Variants in CCDC146 observed in about 807,000 individuals in gnomAD.
CCDC146 encodes the protein coiled-coil domain-containing protein 146.
Under a neutral mutation model 119.3 loss-of-function variants are expected in CCDC146, and 92 were observed. The observed-to-expected ratio is 0.77, with a 90% CI of 0.65 to 0.92. The LOEUF (loss-of-function observed/expected upper bound fraction) is 0.92, where lower values mean the gene tolerates loss of function less well. CCDC146 is among the 40% of genes least tolerant of loss of function. The pLI is 0.00. For synonymous variants in CCDC146, 372 were observed against 371.8 expected (o/e 1.00, Z -0.01); for missense variants, 1,000 against 1,103.0 (o/e 0.91, Z 1.32).
intron 1 of CCDC146, among the ~76,000 whole-genome samples, chr7:77,145,631 T>G (rs1791005660): frequency 1.3e-5 from 2 of 152,184 alleles, no homozygotes; most frequent in South Asian, 4.1e-4. Context: ...TTGTTCTCAT[T>G]GGTTTCAAAG....
At chr7:77,180,491 G>T (rs1484106413) in intron 2 of CCDC146, among the ~76,000 whole-genome samples, 2 of 152,154 alleles carry the variant, frequency 1.3e-5, no homozygotes, top group Non-Finnish European at 2.9e-5. Context: ...TTGAGCTCAG[G>T]AGTTCAAGAC....
At chr7:77,251,558 C>T (rs764650365) in intron 4 of CCDC146, among the ~76,000 whole-genome samples, 1 of 151,934 alleles carries the variant, frequency 6.6e-6, no homozygotes, top group Non-Finnish European at 1.5e-5. Flanking sequence ...ACACGATGTA[C>T]TGGGTAAAAG....
At chr7:77,186,602 C>T (rs569599517) in intron 2 of CCDC146, among the ~76,000 whole-genome samples, 1 of 152,128 alleles carries the variant, frequency 6.6e-6, no homozygotes, top group Admixed American at 6.6e-5. Flanking sequence ...TTTAATTGTA[C>T]ACCTTAAAAT....
intron 15 of CCDC146, among the ~76,000 whole-genome samples, chr7:77,284,004 G>A (rs1793806892): frequency 6.6e-6 from 1 of 152,046 alleles, no homozygotes; most frequent in African/African-American, 2.4e-5. Flanking sequence ...GGCCTCCCCA[G>A]GCTTCCTGTG....
chr7:77,254,659 A>G, intron 5 of CCDC146, 96 bp downstream of exon 5: 1 of 681,786 alleles, frequency 1.5e-6, no homozygotes. Context: ...CATAGCCTGA[A>G]ACATTTTAAA....
rs1794014186 is a variant in CCDC146 at position 77,294,708 on chromosome 7, A to G, written c.2710A>G (p.Thr904Ala). 6.2e-7 allele frequency: 1 copy of G among 1,614,120 alleles called. No homozygotes were observed. The highest frequency in any genetic ancestry group is 1.7e-5 in the Admixed American group (1 of 60,008). The part of the protein sequence containing the change: ...DNRQLPNGVY[T>A]TAEQRPNAYI... ...TCGCCAGCTGCCCAATGGTGTTTACACAACTGCAGAGCAGCGTCCGAATGC... is the reference window on the plus strand; with the variant it reads ...TCGCCAGCTGCCCAATGGTGTTTACGCAACTGCAGAGCAGCGTCCGAATGC... Residue 904 changes from threonine to alanine, a missense_variant, in exon 19 of 19, where the codon ACA (threonine) becomes GCA (alanine). Physicochemically the swap from Thr to Ala is moderately conservative, Grantham distance 58. Coordinates refer to ENST00000285871, the MANE Select transcript of CCDC146 (RefSeq NM_020879.3).
At chr7:77,211,777 G>A (rs1173497831) in intron 2 of CCDC146, among the ~76,000 whole-genome samples, 3 of 151,890 alleles carry the variant, frequency 2.0e-5, no homozygotes, top group Non-Finnish European at 2.9e-5. Context: ...TTCCATGCCT[G>A]GCTAATTTTT....
chr7:77,247,050 A>T (rs1347652792), intron 4 of CCDC146, among the ~76,000 whole-genome samples: 1 of 152,208 alleles, frequency 6.6e-6, no homozygotes, highest in Non-Finnish European at 1.5e-5. Flanking sequence ...GTAAAAATGG[A>T]TTCAACCACA....
chr7:77,267,934 A>C (rs1466561513), intron 9 of CCDC146, among the ~76,000 whole-genome samples: 1 of 152,230 alleles, frequency 6.6e-6, no homozygotes. Context: ...GACTAACAGG[A>C]ATACATCAGC....
rs144191557 is a variant in CCDC146, at chr7:77,187,705, C to T, written c.156+19881C>T. Among the ~76,000 whole-genome samples, 197 of 152,282 alleles carry T rather than the reference C, an allele frequency of 1.3e-3. 1 individual carries two copies. Among genetic ancestry groups the T allele is most frequent in the African/African-American group, 4.5e-3 (188 of 41,548 alleles). ...TTAAAACCTTTGAGAGAATACAGTGCACCAGGGAGACTATCACTATGACTA... is the reference window on the plus strand; with the variant it reads ...TTAAAACCTTTGAGAGAATACAGTGTACCAGGGAGACTATCACTATGACTA... On this transcript the variant is annotated intron_variant, in intron 2 of 18. Coordinates refer to ENST00000285871, the MANE Select transcript of CCDC146 (RefSeq NM_020879.3).
rs141909777 is a variant in CCDC146 at position 77,236,068 on chromosome 7, C to CATAAATAAATAAATAAATAAATAA, written c.157-876_157-853dup. Among the ~76,000 whole-genome samples, 894 of 147,496 alleles carry CATAAATAAATAAATAAATAAATAA rather than the reference C, an allele frequency of 6.1e-3. 1 individual carries two copies. Among genetic ancestry groups the CATAAATAAATAAATAAATAAATAA allele is most frequent in the African/African-American group, 0.01 (416 of 40,330 alleles). ...CCTGGACGACAGAGTGAGACTCCGT[C>CATAAATAAATAAATAAATAAATAA]ATAAATAAATAAATAAATAAATAAA... On this transcript the variant is annotated intron_variant, in intron 2 of 18. Transcript: ENST00000285871.
intron 2 of CCDC146, among the ~76,000 whole-genome samples, chr7:77,228,990 C>T (rs1305551319): frequency 1.3e-5 from 2 of 152,178 alleles, no homozygotes; most frequent in Non-Finnish European, 2.9e-5. Context: ...CTAATGCTCT[C>T]CCTCCCCCAA....
At chr7:77,256,003 T>TC (rs1489008231) in intron 5 of CCDC146, among the ~76,000 whole-genome samples, 2 of 152,224 alleles carry the variant, frequency 1.3e-5, no homozygotes, top group Non-Finnish European at 2.9e-5. Flanking sequence ...ACATTTTTTT[T>TC]CATGCTTCTT....
At chr7:77,144,627 G>C (rs1452473540) in intron 1 of CCDC146, among the ~76,000 whole-genome samples, 1 of 151,768 alleles carries the variant, frequency 6.6e-6, no homozygotes, top group Non-Finnish European at 1.5e-5. Flanking sequence ...TTAGCATGAA[G>C]AGCTGTTGAA....
At chr7:77,146,599 A>G (rs139825211) in intron 1 of CCDC146, among the ~76,000 whole-genome samples, 1,728 of 152,208 alleles carry the variant, frequency 0.011, 25 homozygotes, top group African/African-American at 0.039. Context: ...TTTTAGGGAA[A>G]GCCTGGTGGT....
At chr7:77,238,229 ACGCC>A (rs1238217592) in intron 3 of CCDC146, among the ~76,000 whole-genome samples, 2 of 152,030 alleles carry the variant, frequency 1.3e-5, no homozygotes, top group Non-Finnish European at 2.9e-5. Flanking sequence ...GTAGCTGGTC[ACGCC>A]TGCCAGTGTG....
chr7:77,187,988 G>A (rs1791698818), intron 2 of CCDC146, among the ~76,000 whole-genome samples: 1 of 152,234 alleles, frequency 6.6e-6, no homozygotes, highest in Admixed American at 6.5e-5. Flanking sequence ...CAGATGCTGA[G>A]TGTTCAAACT....
chr7:77,241,071 C>T lies in CCDC146; in HGVS notation c.240-620C>T, dbSNP rs557546153. Among the ~76,000 whole-genome samples, 3 of 53,678 alleles carry T rather than the reference C, an allele frequency of 5.6e-5. No homozygotes were observed. The East Asian group carries it at 1.8e-3, about 32-fold the overall frequency. 35.2% of individuals were successfully genotyped at this position (53,678 alleles called of 152,430 possible). On this transcript the variant is annotated intron_variant, in intron 3 of 18. Coordinates refer to ENST00000285871, the MANE Select transcript of CCDC146 (RefSeq NM_020879.3). ...AGGCGGGAGTGCAGTGGCTCAATCT[C>T]GGCTGAGATGGAGTCTCACTCTGTC...
intron 2 of CCDC146, among the ~76,000 whole-genome samples, chr7:77,176,847 T>A (rs1791507398): frequency 6.6e-6 from 1 of 152,140 alleles, no homozygotes. Flanking sequence ...TTTAAATAAA[T>A]TTTTTTGATA....
Sources: gnomAD v4.1 joint callset for allele counts (sites outside exome capture counted in the v4.1 genomes callset) on GRCh38, gnomAD v4.1.1 for gene constraint, MANE v1.5 for transcripts, NCBI Gene and HGNC (gene_info 2026-07-23, HGNC 2026-07-21) for gene names.